IL1RAPL1: variants seen among roughly 807,000 people sequenced by gnomAD.
IL1RAPL1 encodes interleukin 1 receptor accessory protein like 1.
A neutral mutation model predicts 48.4 loss-of-function variants in IL1RAPL1; 3 were observed. The observed-to-expected ratio is 0.06, with a 90% CI of 0.03 to 0.16. The LOEUF (loss-of-function observed/expected upper bound fraction) is 0.16. Ranked by LOEUF, IL1RAPL1 falls within the 10% of genes least tolerant of loss-of-function variation. The pLI is 1.00. For synonymous variants in IL1RAPL1, 185 were observed against 187.7 expected (o/e 0.99, Z 0.12); for missense variants, 349 against 530.6 (o/e 0.66, Z 3.36).
intron 1 of IL1RAPL1, among the ~76,000 whole-genome samples, chrX:28,724,949 G>GTTTTT (rs749264109): frequency 2.4e-5 from 2 of 81,741 alleles, no homozygotes; most frequent in African/African-American, 5.0e-5. Context: ...AACTCAATTT[G>GTTTTT]TTTTTTTTTT....
At chrX:28,797,589 A>G (rs1377149201) in intron 2 of IL1RAPL1, among the ~76,000 whole-genome samples, 3 of 111,609 alleles carry the variant, frequency 2.7e-5, no homozygotes. Flanking sequence ...AGTTCCCAAC[A>G]AGTTCCTCAT....
chrX:29,244,619 AATG>A (rs1265180452), intron 2 of IL1RAPL1, among the ~76,000 whole-genome samples: 2 of 112,538 alleles, frequency 1.8e-5, no homozygotes, highest in East Asian at 5.6e-4. Flanking sequence ...AAAACTGTTA[AATG>A]ATGATTATTT....
At chrX:29,623,248 C>G (rs1221526853) in intron 5 of IL1RAPL1, among the ~76,000 whole-genome samples, 1 of 107,676 alleles carries the variant, frequency 9.3e-6, no homozygotes, top group Non-Finnish European at 1.9e-5. Flanking sequence ...CGCCACTGCA[C>G]TCCAGCCTGG....
At chrX:28,964,638 A>G (rs1440238228) in intron 2 of IL1RAPL1, among the ~76,000 whole-genome samples, 2 of 111,654 alleles carry the variant, frequency 1.8e-5, no homozygotes, top group Non-Finnish European at 3.8e-5. Flanking sequence ...TTTTTACACT[A>G]TTTGATGCAG....
intron 2 of IL1RAPL1, among the ~76,000 whole-genome samples, chrX:29,033,792 T>G (rs1427005236): frequency 9.1e-6 from 1 of 110,414 alleles, no homozygotes; most frequent in Admixed American, 9.7e-5. Context: ...ATTCTGGACA[T>G]GTAAGATATT....
At chrX:29,382,586 A>G (rs979822945) in intron 3 of IL1RAPL1, among the ~76,000 whole-genome samples, 3 of 112,370 alleles carry the variant, frequency 2.7e-5, no homozygotes, top group Non-Finnish European at 5.6e-5. Context: ...ATATTTAGCT[A>G]TCTAGTTCTA....
At chrX:29,004,093 A>C (rs577319845) in intron 2 of IL1RAPL1, among the ~76,000 whole-genome samples, 1 of 111,305 alleles carries the variant, frequency 9.0e-6, no homozygotes, top group South Asian at 3.8e-4. Context: ...AGTAAGCCCA[A>C]ATCGCACCAC....
At chrX:29,173,794 G>A (rs968176568) in intron 2 of IL1RAPL1, among the ~76,000 whole-genome samples, 4 of 112,077 alleles carry the variant, frequency 3.6e-5, no homozygotes, top group Admixed American at 2.9e-4. Flanking sequence ...AAACTGTCTG[G>A]ATGATATGTG....
intron 6 of IL1RAPL1, among the ~76,000 whole-genome samples, chrX:29,746,055 A>G (rs1490653707): frequency 8.9e-6 from 1 of 111,767 alleles, no homozygotes; most frequent in Admixed American, 9.5e-5. Context: ...AATTGTCAAG[A>G]GACAATTTTA....
chrX:29,336,269 C>CATATATATATATAT (rs57126796), intron 3 of IL1RAPL1, among the ~76,000 whole-genome samples: 4,357 of 57,280 alleles, frequency 0.076, 443 homozygotes, highest in Non-Finnish European at 0.1. Context: ...ATATATATGC[C>CATATATATATATAT]ATATATATAT....
intron 2 of IL1RAPL1, among the ~76,000 whole-genome samples, chrX:29,132,973 G>A (rs1178587760): frequency 9.0e-6 from 1 of 111,156 alleles, no homozygotes; most frequent in Non-Finnish European, 1.9e-5. Flanking sequence ...TTGTCTGGGG[G>A]AGATTTAGCA....
At chrX:29,619,949 A>G (rs1025817538) in intron 5 of IL1RAPL1, among the ~76,000 whole-genome samples, 18 of 111,646 alleles carry the variant, frequency 1.6e-4, no homozygotes, top group Non-Finnish European at 3.8e-5. Context: ...GTTTATTAGA[A>G]CTGAACATAA....
At chrX:28,777,508 A>G (rs1484212610) in intron 1 of IL1RAPL1, among the ~76,000 whole-genome samples, 1 of 111,553 alleles carries the variant, frequency 9.0e-6, no homozygotes, top group East Asian at 2.8e-4. Flanking sequence ...AATACATTCT[A>G]TTATTGCTTT....
chrX:29,231,366 C>T (rs772370513), intron 2 of IL1RAPL1, among the ~76,000 whole-genome samples: 12 of 111,385 alleles, frequency 1.1e-4, no homozygotes, highest in East Asian at 2.8e-4. Context: ...GCACCCACCC[C>T]GCTGAGTTCG....
intron 8 of IL1RAPL1, among the ~76,000 whole-genome samples, chrX:29,920,794 C>CAAAAAAAAAAAAAAAAA (rs1176529100): frequency 6.3e-5 from 2 of 31,631 alleles, no homozygotes; most frequent in African/African-American, 2.5e-4. Flanking sequence ...GACCCTGTCT[C>CAAAAAAAAAAAAAAAAA]AAAAAAAAAA....
At chrX:29,915,747 ATTTTT>A (rs1256373776) in intron 6 of IL1RAPL1, among the ~76,000 whole-genome samples, 671 of 35,040 alleles carry the variant, frequency 0.019, 15 homozygotes, top group African/African-American at 0.07. Context: ...TTTAATTTTT[ATTTTT>A]ATTATTTTTA....
chrX:29,883,510 C>T (rs1932071705), intron 6 of IL1RAPL1, among the ~76,000 whole-genome samples: 1 of 112,088 alleles, frequency 8.9e-6, no homozygotes, highest in Admixed American at 9.5e-5. Flanking sequence ...AGTGAACTTG[C>T]TCTGCATCCT....
At chrX:29,942,354 G>C (rs1933143728) in intron 9 of IL1RAPL1, among the ~76,000 whole-genome samples, 1 of 111,159 alleles carries the variant, frequency 9.0e-6, no homozygotes, top group Admixed American at 9.6e-5. Flanking sequence ...TAATTTCATA[G>C]TAATGCATCT....
At chrX:29,904,361 TTTTTAA>T (rs200413699) in intron 6 of IL1RAPL1, among the ~76,000 whole-genome samples, 16,675 of 110,751 alleles carry the variant, frequency 0.15, 1,018 homozygotes, top group Middle Eastern at 0.19. Context: ...GCTGATTCTT[TTTTTAA>T]TTTTAATTTT....
Sources: gnomAD v4.1 joint callset for allele counts (sites outside exome capture counted in the v4.1 genomes callset) on GRCh38, gnomAD v4.1.1 for gene constraint, MANE v1.5 for transcripts, NCBI Gene and HGNC (gene_info 2026-07-23, HGNC 2026-07-21) for gene names.